The following STXBP5L variants were observed in gnomAD, a reference collection of about 807,000 sequenced individuals.
STXBP5L encodes syntaxin binding protein 5L, also known as syntaxin-binding protein 5-like.
STXBP5L carries 65 observed loss-of-function variants against 144.5 expected under a neutral mutation model. The observed-to-expected ratio is 0.45, with a 90% confidence interval of 0.37 to 0.55. The LOEUF (loss-of-function observed/expected upper bound fraction) is 0.55, where lower values mean the gene tolerates loss of function less well. Ranked by LOEUF, STXBP5L falls within the 20% of genes least tolerant of loss-of-function variation. The probability of loss-of-function intolerance (pLI) is 0.00; values close to 1 mark genes in which losing one functional copy is unlikely to be tolerated. For synonymous variants in STXBP5L, 505 were observed against 469.6 expected (o/e 1.08, Z -0.97); for missense variants, 1,298 against 1,405.5 (o/e 0.92, Z 1.22).
chr3:121,260,340 A>G (rs182300521), intron 18 of STXBP5L, among the ~76,000 whole-genome samples: 1 of 152,066 alleles, frequency 6.6e-6, no homozygotes, highest in South Asian at 2.1e-4. Context: ...GTAATTTGCA[A>G]TGATCTTCCC....
intron 8 of STXBP5L, among the ~76,000 whole-genome samples, chr3:121,154,663 G>A (rs1305255678): frequency 1.3e-5 from 2 of 151,090 alleles, no homozygotes; most frequent in South Asian, 4.2e-4. Context: ...TTACCTTTAT[G>A]CTAAAAAAAG....
At chr3:121,332,850 A>G (rs1420146671) in intron 20 of STXBP5L, among the ~76,000 whole-genome samples, 1 of 150,318 alleles carries the variant, frequency 6.7e-6, no homozygotes, top group African/African-American at 2.5e-5. Context: ...GAAGTAAAGA[A>G]TGATAAGAAC....
chr3:121,395,004 T>G (rs80276685), intron 22 of STXBP5L, among the ~76,000 whole-genome samples: 2 of 152,098 alleles, frequency 1.3e-5, no homozygotes, highest in Admixed American at 1.3e-4. Flanking sequence ...TTTAGTGGCA[T>G]GAATTCAGAC....
intron 20 of STXBP5L, among the ~76,000 whole-genome samples, chr3:121,377,864 T>C (rs1282205099): frequency 2.0e-5 from 3 of 152,202 alleles, no homozygotes; most frequent in Admixed American, 6.5e-5. Context: ...TAAAGACACA[T>C]GCACACATAT....
At chr3:120,991,751 A>C (rs922515315) in intron 3 of STXBP5L, among the ~76,000 whole-genome samples, 1 of 151,848 alleles carries the variant, frequency 6.6e-6, no homozygotes, top group African/African-American at 2.4e-5. Context: ...CATAGGTGGG[A>C]ATTGAACAAT....
chr3:121,295,407 TCAGTA>T (rs2051610551), intron 19 of STXBP5L, among the ~76,000 whole-genome samples: 1 of 152,138 alleles, frequency 6.6e-6, no homozygotes, highest in African/African-American at 2.4e-5. Context: ...GATTTTCAGT[TCAGTA>T]TTTTAGTAGT....
At chr3:121,362,894 G>A (rs187020807) in intron 20 of STXBP5L, among the ~76,000 whole-genome samples, 21 of 152,192 alleles carry the variant, frequency 1.4e-4, no homozygotes, top group Middle Eastern at 3.4e-3. Flanking sequence ...CCTTAACATT[G>A]CACCTGGATA....
At chr3:121,285,541 C>T (rs73183129) in intron 19 of STXBP5L, among the ~76,000 whole-genome samples, 1 of 151,978 alleles carries the variant, frequency 6.6e-6, no homozygotes, top group African/African-American at 2.4e-5. Context: ...AAACAGCTGA[C>T]CTCCCCAAAT....
chr3:121,007,470 T>C (rs1440244796), intron 3 of STXBP5L, among the ~76,000 whole-genome samples: 1 of 152,068 alleles, frequency 6.6e-6, no homozygotes, highest in Non-Finnish European at 1.5e-5. Context: ...TTTTAATTCC[T>C]TAAATGTTTG....
chr3:121,094,967 G>A (rs1054565090), intron 5 of STXBP5L, among the ~76,000 whole-genome samples: 2 of 152,024 alleles, frequency 1.3e-5, no homozygotes, highest in African/African-American at 4.8e-5. Flanking sequence ...GGGCAGGCCT[G>A]GTGGTGACAA....
rs142205165 is a variant in STXBP5L, at chr3:121,387,024, G to A, written c.2587+5492G>A. On this transcript the variant is annotated intron_variant, in intron 22 of 26. Transcript: ENST00000471454. Reference sequence around the variant, plus strand: ...GAACTAATTTACACTCCCACCAACAGTGTAAAAGCATTCCTATTTTTCCGC... The same window carrying A: ...GAACTAATTTACACTCCCACCAACAATGTAAAAGCATTCCTATTTTTCCGC... 9.2e-3 allele frequency among the ~76,000 whole-genome samples: 1,404 copies of A among 152,318 alleles called. 14 individuals carry two copies. The highest frequency in any genetic ancestry group is 0.015 in the Non-Finnish European group (1,042 of 68,028).
intron 7 of STXBP5L, among the ~76,000 whole-genome samples, chr3:121,130,368 G>A (rs1227109967): frequency 6.6e-6 from 1 of 152,044 alleles, no homozygotes; most frequent in Non-Finnish European, 1.5e-5. Flanking sequence ...TATTCACTGA[G>A]TCATAAAATT....
chr3:121,318,079 A>G (rs2043843401), intron 19 of STXBP5L, among the ~76,000 whole-genome samples: 1 of 152,078 alleles, frequency 6.6e-6, no homozygotes, highest in Non-Finnish European at 1.5e-5. Context: ...AGGATTTTAT[A>G]TCTTTGTACC....
chr3:121,341,732 G>T (rs1001603761), intron 20 of STXBP5L, among the ~76,000 whole-genome samples: 4 of 152,078 alleles, frequency 2.6e-5, no homozygotes, highest in Non-Finnish European at 5.9e-5. Flanking sequence ...GGAACTGGGG[G>T]TAATTATGTT....
intron 5 of STXBP5L, among the ~76,000 whole-genome samples, chr3:121,061,266 A>G (rs773207392): frequency 6.6e-6 from 1 of 152,180 alleles, no homozygotes; most frequent in Non-Finnish European, 1.5e-5. Context: ...TTCAGTTTCC[A>G]TGCAGTTGTG....
Position 121,344,339 on chromosome 3 carries a change from G to A in STXBP5L, c.2176+25799G>A, listed in dbSNP as rs555612832. 1.7e-4 allele frequency among the ~76,000 whole-genome samples: 26 copies of A among 152,236 alleles called. 1 individual carries two copies. The highest frequency in any genetic ancestry group is 5.3e-4 in the African/African-American group (22 of 41,522). ...ATTACCATTCAGGACATAGGCATGG[G>A]CAAGGACTTCGTGTGTAAAACACCA... On this transcript the variant is annotated intron_variant, in intron 20 of 26. Transcript: ENST00000471454.
chr3:121,053,887 T>C (rs1291888498), intron 5 of STXBP5L, among the ~76,000 whole-genome samples: 1 of 150,966 alleles, frequency 6.6e-6, no homozygotes, highest in East Asian at 1.9e-4. Flanking sequence ...CAAACAAATT[T>C]ACAAGAAAAA....
intron 5 of STXBP5L, among the ~76,000 whole-genome samples, chr3:121,071,988 C>G (rs1453470257): frequency 6.6e-6 from 1 of 152,224 alleles, no homozygotes; most frequent in Non-Finnish European, 1.5e-5. Context: ...GTTTGAGTGT[C>G]TGGTTCATTC....
intron 22 of STXBP5L, among the ~76,000 whole-genome samples, chr3:121,397,370 A>G (rs2046756954): frequency 6.6e-6 from 1 of 152,194 alleles, no homozygotes; most frequent in Non-Finnish European, 1.5e-5. Flanking sequence ...TTAATTACGA[A>G]AACTGCAGAA....
Sources: allele counts gnomAD v4.1 joint callset (sites outside exome capture counted in the v4.1 genomes callset), GRCh38; gene constraint gnomAD v4.1.1; transcripts MANE v1.5; gene names NCBI Gene and HGNC (gene_info 2026-07-23, HGNC 2026-07-21).